Variants in PRDM2 observed in about 807,000 individuals in gnomAD.
PRDM2 encodes the protein PR domain zinc finger protein 2.
A neutral mutation model predicts 130.0 loss-of-function variants in PRDM2; 30 were observed. The ratio of observed to expected loss-of-function variants is 0.23; its 90% CI spans 0.17 to 0.31. The LOEUF (loss-of-function observed/expected upper bound fraction) is 0.31, where lower values mean the gene tolerates loss of function less well. Ranked by LOEUF, PRDM2 falls within the 10% of genes least tolerant of loss-of-function variation. The pLI is 1.00. For missense variants in PRDM2, 2,011 were observed against 2,108.4 expected, an observed-to-expected ratio of 0.95 and a Z score of 0.90; for synonymous variants, 871 against 782.4, an observed-to-expected ratio of 1.11 and a Z score of -1.89.
chr1:13,776,272 A>G (rs1433271404), intron 7 of PRDM2, among the ~76,000 whole-genome samples: 1 of 152,024 alleles, frequency 6.6e-6, no homozygotes, highest in East Asian at 2.0e-4. Context: ...AGTATTTGCA[A>G]GTGATTGGGG....
At chr1:13,764,524 G>A (rs962650306) in intron 6 of PRDM2, among the ~76,000 whole-genome samples, 1 of 152,204 alleles carries the variant, frequency 6.6e-6, no homozygotes, top group Admixed American at 6.5e-5. Context: ...TGTTTGGGAA[G>A]CCCTTTCTTA....
chr1:13,756,747 C>G (rs1190865621), intron 6 of PRDM2, among the ~76,000 whole-genome samples: 1 of 152,164 alleles, frequency 6.6e-6, no homozygotes, highest in Admixed American at 6.6e-5. Flanking sequence ...TGTCATTATG[C>G]CATGAATTGC....
chr1:13,748,843 G>T (rs1226697715), intron 5 of PRDM2, among the ~76,000 whole-genome samples: 1 of 152,200 alleles, frequency 6.6e-6, no homozygotes, highest in Non-Finnish European at 1.5e-5. Flanking sequence ...CCTCCCGTTG[G>T]CGGCTCTGGG....
At chr1:13,741,765 T>TGTGTGTG (rs56920487) in intron 4 of PRDM2, among the ~76,000 whole-genome samples, 1 of 129,962 alleles carries the variant, frequency 7.7e-6, no homozygotes, top group African/African-American at 2.8e-5. Context: ...TGTGTGTGTG[T>TGTGTGTG]AGGGGTGGGG....
chr1:13,756,657 A>G (rs1435578272), intron 6 of PRDM2, among the ~76,000 whole-genome samples: 1 of 152,238 alleles, frequency 6.6e-6, no homozygotes, highest in Non-Finnish European at 1.5e-5. Context: ...ATACATTACA[A>G]GAGTTCTTGG....
intron 8 of PRDM2, among the ~76,000 whole-genome samples, chr1:13,800,757 G>C (rs970764158): frequency 2.4e-4 from 37 of 152,244 alleles, no homozygotes; most frequent in Admixed American, 5.9e-4. Context: ...TCCCTGCTTT[G>C]AGTGACCAGC....
intron 7 of PRDM2, among the ~76,000 whole-genome samples, chr1:13,774,377 A>G (rs1021816669): frequency 1.3e-5 from 2 of 152,238 alleles, no homozygotes; most frequent in Admixed American, 1.3e-4. Flanking sequence ...TGTAGAGGAA[A>G]ATAACCAGAA....
chr1:13,787,418 C>G, intron 8 of PRDM2: 1 of 985,014 alleles, frequency 1.0e-6, no homozygotes, highest in Non-Finnish European at 1.2e-6. Context: ...ATGCCTCCCC[C>G]TAAATTAATG....
intron 8 of PRDM2, among the ~76,000 whole-genome samples, chr1:13,788,282 G>A (rs1306958870): frequency 6.6e-6 from 1 of 152,220 alleles, no homozygotes; most frequent in Non-Finnish European, 1.5e-5. Context: ...GAGGGTGGAC[G>A]TGTAGTCAGA....
chr1:13,761,875 C>CTA (rs1426926346), intron 6 of PRDM2, among the ~76,000 whole-genome samples: 1 of 152,114 alleles, frequency 6.6e-6, no homozygotes, highest in Non-Finnish European at 1.5e-5. Flanking sequence ...AGAATTCTCT[C>CTA]TAACTTCTGT....
At chr1:13,737,028 T>C (rs1643294444) in intron 4 of PRDM2, among the ~76,000 whole-genome samples, 1 of 152,216 alleles carries the variant, frequency 6.6e-6, no homozygotes, top group African/African-American at 2.4e-5. Context: ...TATTAACAGG[T>C]GAGTTTTATA....
intron 8 of PRDM2, among the ~76,000 whole-genome samples, chr1:13,808,055 G>C (rs548592832): frequency 6.6e-6 from 1 of 152,282 alleles, no homozygotes; most frequent in East Asian, 1.9e-4. Flanking sequence ...AGCACACTTT[G>C]CCAGAGGCCA....
intron 1 of PRDM2, among the ~76,000 whole-genome samples, chr1:13,709,496 G>T (rs377407675): frequency 9.9e-5 from 15 of 152,194 alleles, no homozygotes; most frequent in Admixed American, 8.5e-4. Context: ...AGGATTGCAA[G>T]AATCTTTTGG....
rs541362064 is a variant in PRDM2 at position 13,752,092 on chromosome 1, C to T, written c.511+2605C>T. Among the ~76,000 whole-genome samples, 175 of 152,148 alleles carry T rather than the reference C, an allele frequency of 1.2e-3. 3 individuals carry two copies. In the South Asian group the frequency reaches 0.035, roughly 31 times the overall value. On this transcript the variant is annotated intron_variant, in intron 6 of 9. Coordinates refer to ENST00000311066, the MANE Select transcript of PRDM2 (RefSeq NM_001393986.1). ...AAAGCAGCGGCGACTCTTCTTATGG[C>T]GCCGACAAACGTTAAATCAGTAAAT...
At chr1:13,708,423 C>G (rs1270609311) in intron 1 of PRDM2, among the ~76,000 whole-genome samples, 1 of 152,200 alleles carries the variant, frequency 6.6e-6, no homozygotes, top group Non-Finnish European at 1.5e-5. Context: ...CATTTTCTCA[C>G]TGGAGCTCTG....
intron 8 of PRDM2, among the ~76,000 whole-genome samples, chr1:13,797,475 G>T (rs1175802661): frequency 6.6e-6 from 1 of 152,192 alleles, no homozygotes; most frequent in African/African-American, 2.4e-5. Flanking sequence ...TTAATGATAG[G>T]TTTATATCCT....
At chr1:13,701,696 G>A (rs1205085894) in intron 1 of PRDM2, among the ~76,000 whole-genome samples, 1 of 152,090 alleles carries the variant, frequency 6.6e-6, no homozygotes, top group African/African-American at 2.4e-5. Context: ...TTCGAGCTAT[G>A]GAAACAAATC....
chr1:13,793,752 G>A (rs1203640), intron 8 of PRDM2, among the ~76,000 whole-genome samples: 27,492 of 152,044 alleles, frequency 0.18, 3,123 homozygotes, highest in Admixed American at 0.25. Flanking sequence ...GGCTTCCCTG[G>A]CCCACGTTGG....
At chr1:13,739,851 G>GT (rs1285496920) in intron 4 of PRDM2, among the ~76,000 whole-genome samples, 1 of 151,990 alleles carries the variant, frequency 6.6e-6, no homozygotes, top group Non-Finnish European at 1.5e-5. Context: ...GGGAATATCT[G>GT]TTTTTTCACA....
Sources: allele counts gnomAD v4.1 joint callset (sites outside exome capture counted in the v4.1 genomes callset), GRCh38; gene constraint gnomAD v4.1.1; transcripts MANE v1.5; gene names NCBI Gene and HGNC (gene_info 2026-07-23, HGNC 2026-07-21).